Variants in LRRC20 observed in about 807,000 individuals in gnomAD.
LRRC20 encodes the protein leucine rich repeat containing 20, also known as leucine-rich repeat-containing protein 20.
In LRRC20, 11 loss-of-function variants were observed where a neutral mutation model predicts 14.4. That is an observed-to-expected ratio of 0.77 (90% CI 0.48 to 1.27). LRRC20 has a LOEUF of 1.27. Ranked by LOEUF, LRRC20 falls within the 50% of genes most tolerant of loss-of-function variation. LRRC20 has a pLI of 0.00. For missense variants in LRRC20, 219 were observed against 251.2 expected (o/e 0.87, Z 0.87); for synonymous variants, 121 against 107.3 (o/e 1.13, Z -0.79).
At chr10:70,336,416 T>A (rs1842727272) in intron 3 of LRRC20, among the ~76,000 whole-genome samples, 3 of 152,162 alleles carry the variant, frequency 2.0e-5, no homozygotes, top group African/African-American at 7.2e-5. Flanking sequence ...ATATGTCAGA[T>A]TTGTAGGAAG....
In LRRC20 at chr10:70,367,407, G is replaced by A. The variant is rs549062411; in HGVS notation, c.82+9045C>T. ...TTCACAGCAAAACCTGTATGCAAAT[G>A]TTTACAGGCTTTGTTCGTGATGTTA... On this transcript the variant is annotated intron_variant, in intron 2 of 4. Transcript: ENST00000446961. 2.6e-5 allele frequency among the ~76,000 whole-genome samples: 4 copies of A among 151,620 alleles called. No homozygotes were observed. The South Asian group carries it at 8.3e-4, about 32-fold the overall frequency.
At chr10:70,348,108 C>G (rs1432260329) in intron 2 of LRRC20, among the ~76,000 whole-genome samples, 2 of 152,162 alleles carry the variant, frequency 1.3e-5, no homozygotes, top group Non-Finnish European at 2.9e-5. Context: ...CCCTCCAGTA[C>G]CCACCAGAGG....
chr10:70,353,379 CCACAACAT>C (rs3031562), intron 2 of LRRC20, among the ~76,000 whole-genome samples: 130,421 of 151,446 alleles, frequency 0.86, 56,763 homozygotes, highest in Middle Eastern at 0.96. Flanking sequence ...CAGTTAACCC[CCACAACAT>C]CACAACATCC....
intron 4 of LRRC20, among the ~76,000 whole-genome samples, chr10:70,309,116 CA>C (rs1362431861): frequency 1.3e-5 from 2 of 152,208 alleles, no homozygotes; most frequent in African/African-American, 4.8e-5. Context: ...GCAGCGTGGG[CA>C]GGGGTACAGA....
chr10:70,329,465 G>A (rs1488327408), intron 3 of LRRC20, among the ~76,000 whole-genome samples: 1 of 152,084 alleles, frequency 6.6e-6, no homozygotes, highest in Admixed American at 6.6e-5. Context: ...TTACCAAGTT[G>A]AGGTAGTTTC....
In LRRC20 at chr10:70,362,422, G is replaced by A. The variant is rs138974499; in HGVS notation, c.82+14030C>T. On this transcript the variant is annotated intron_variant, in intron 2 of 4. Coordinates refer to ENST00000446961, the MANE Select transcript of LRRC20 (RefSeq NM_001278212.2). The stretch of plus-strand genomic sequence containing the variant: ...CAGGTCATCCACAGCTTTGTGGTAT[G>A]ATCTTGGGTTTTACTCATTGTGTAG... 3.0e-3 allele frequency among the ~76,000 whole-genome samples: 460 copies of A among 152,348 alleles called. 6 individuals carry two copies. The South Asian group carries it at 0.056, about 19-fold the overall frequency.
At chr10:70,368,631 C>T (rs774535150) in intron 2 of LRRC20, among the ~76,000 whole-genome samples, 13 of 151,192 alleles carry the variant, frequency 8.6e-5, no homozygotes, top group South Asian at 2.1e-4. Flanking sequence ...TTATTTTTGG[C>T]GGCAGGGGGG....
intron 2 of LRRC20, among the ~76,000 whole-genome samples, chr10:70,372,772 A>G (rs1340182646): frequency 6.6e-6 from 1 of 151,952 alleles, no homozygotes; most frequent in Non-Finnish European, 1.5e-5. Context: ...TTAATCATAC[A>G]ATGAAATATT....
chr10:70,336,100 G>A (rs866211175), intron 3 of LRRC20, among the ~76,000 whole-genome samples: 1 of 152,168 alleles, frequency 6.6e-6, no homozygotes, highest in Middle Eastern at 3.2e-3. Flanking sequence ...CAAATGACAC[G>A]GCTGCTATCA....
At chr10:70,380,974 T>C (rs1844681246) in intron 1 of LRRC20, among the ~76,000 whole-genome samples, 1 of 151,918 alleles carries the variant, frequency 6.6e-6, no homozygotes, top group Non-Finnish European at 1.5e-5. Flanking sequence ...GGGACAGGGG[T>C]GAGCAGCAGG....
intron 2 of LRRC20, among the ~76,000 whole-genome samples, chr10:70,373,262 C>T (rs1302137646): frequency 6.6e-6 from 1 of 152,110 alleles, no homozygotes; most frequent in Non-Finnish European, 1.5e-5. Context: ...CTCCAGAAAG[C>T]CTTCCTGGTC....
rs117469799 is a variant in LRRC20 at position 70,302,245 on chromosome 10, G to A, written c.401-737C>T. Among the ~76,000 whole-genome samples the A allele has an allele frequency of 6.3e-3, 952 of 152,238 alleles. 7 individuals are homozygous for A. The highest frequency in any genetic ancestry group is 0.01 in the Non-Finnish European group (681 of 68,024). ...AGAGAATTGCTTGAACCCACGAGGC[G>A]GAGGTTGCAGTGAGGGGAAATCGCA... On this transcript the variant is annotated intron_variant, in intron 4 of 4. Transcript: ENST00000446961.
At chr10:70,357,383 G>A (rs1564638306) in intron 2 of LRRC20, among the ~76,000 whole-genome samples, 1 of 152,186 alleles carries the variant, frequency 6.6e-6, no homozygotes, top group Non-Finnish European at 1.5e-5. Flanking sequence ...AAGAAATGAG[G>A]ACAACAGGAT....
At chr10:70,363,524 G>A (rs78541083) in intron 2 of LRRC20, among the ~76,000 whole-genome samples, 5,741 of 152,196 alleles carry the variant, frequency 0.038, 161 homozygotes, top group East Asian at 0.055. Context: ...ATTTTGCTAT[G>A]GAAGCCTGAA....
chr10:70,382,103 C>T (rs1054783289), intron 1 of LRRC20, among the ~76,000 whole-genome samples: 9 of 152,204 alleles, frequency 5.9e-5, no homozygotes, highest in East Asian at 1.9e-4. Context: ...TGCCCGGAGG[C>T]CGAGAGGCAC....
intron 4 of LRRC20, among the ~76,000 whole-genome samples, chr10:70,316,218 C>T (rs559957064): frequency 1.4e-4 from 22 of 152,276 alleles, no homozygotes; most frequent in African/African-American, 1.9e-4. Context: ...CTGCAACCTC[C>T]GCTTCCTGGG....
chr10:70,304,451 T>C (rs1281378770), intron 4 of LRRC20, among the ~76,000 whole-genome samples: 1 of 142,074 alleles, frequency 7.0e-6, no homozygotes. Context: ...CTGTGCTATA[T>C]AGATATCAGG....
At chr10:70,304,084 T>C (rs1841312861) in intron 4 of LRRC20, among the ~76,000 whole-genome samples, 1 of 152,142 alleles carries the variant, frequency 6.6e-6, no homozygotes. Context: ...TGGTAACCTG[T>C]TATAGTTCCT....
chr10:70,315,014 G>A (rs1202709867), intron 4 of LRRC20, among the ~76,000 whole-genome samples: 5 of 152,178 alleles, frequency 3.3e-5, no homozygotes, highest in Non-Finnish European at 7.3e-5. Context: ...TTGGAATCCC[G>A]GCTCAGATGG....
Sources: gnomAD v4.1 joint callset for allele counts (sites outside exome capture counted in the v4.1 genomes callset) on GRCh38, gnomAD v4.1.1 for gene constraint, MANE v1.5 for transcripts, NCBI Gene and HGNC (gene_info 2026-07-23, HGNC 2026-07-21) for gene names.